Variants in CADM2 observed in about 807,000 individuals in gnomAD.
CADM2 encodes the protein immunoglobulin superfamily member 4D.
CADM2 carries 12 observed loss-of-function variants against 49.8 expected under a neutral mutation model. The observed-to-expected ratio is 0.24, with a 90% confidence interval of 0.15 to 0.39. CADM2 has a LOEUF of 0.39. CADM2 is among the 10% of genes least tolerant of loss of function. The pLI, the probability that CADM2 is intolerant of heterozygous loss-of-function variation, is 1.00. For missense variants in CADM2, 378 were observed against 492.3 expected (o/e 0.77, Z 2.20); for synonymous variants, 214 against 175.4 (o/e 1.22, Z -1.74).
intron 1 of CADM2, among the ~76,000 whole-genome samples, chr3:85,091,229 G>A (rs972579039): frequency 4.6e-5 from 7 of 151,932 alleles, no homozygotes; most frequent in African/African-American, 9.7e-5. Flanking sequence ...AGTGAGAATG[G>A]CACTATGAAT....
At chr3:86,008,309 C>T (rs1188699426) in intron 8 of CADM2, among the ~76,000 whole-genome samples, 2 of 151,874 alleles carry the variant, frequency 1.3e-5, no homozygotes, top group Non-Finnish European at 2.9e-5. Flanking sequence ...AGTTACATAA[C>T]CAAACAAAAG....
intron 2 of CADM2, among the ~76,000 whole-genome samples, chr3:85,762,613 C>CTCTCTCTCTCTCTCTCTCTCTCTCTG (rs138508303): frequency 1.4e-5 from 2 of 147,978 alleles, no homozygotes; most frequent in Non-Finnish European, 3.0e-5. Flanking sequence ...CTCTCTCTCT[C>CTCTCTCTCTCTCTCTCTCTCTCTCTG]TCTCTCTCTG....
chr3:85,473,223 A>G (rs143591598), intron 1 of CADM2, among the ~76,000 whole-genome samples: 2 of 152,160 alleles, frequency 1.3e-5, no homozygotes, highest in African/African-American at 4.8e-5. Context: ...TGTATGAATT[A>G]TTTTACTGAG....
intron 1 of CADM2, among the ~76,000 whole-genome samples, chr3:85,430,251 A>G (rs1288458613): frequency 2.0e-5 from 3 of 152,150 alleles, no homozygotes; most frequent in African/African-American, 7.2e-5. Context: ...AGGGTATTTG[A>G]TCCTGAGCTT....
chr3:85,324,140 A>C (rs1249682397), intron 1 of CADM2, among the ~76,000 whole-genome samples: 2 of 152,336 alleles, frequency 1.3e-5, no homozygotes, highest in East Asian at 3.9e-4. Flanking sequence ...ATTAGCACTC[A>C]AATATTTGCT....
At chr3:85,659,813 G>A (rs2065343317) in intron 1 of CADM2, among the ~76,000 whole-genome samples, 1 of 152,014 alleles carries the variant, frequency 6.6e-6, no homozygotes, top group African/African-American at 2.4e-5. Flanking sequence ...GTTCCAAGAT[G>A]GAACTATTGA....
intron 3 of CADM2, among the ~76,000 whole-genome samples, chr3:85,829,916 T>C (rs1433810976): frequency 6.6e-6 from 1 of 151,990 alleles, no homozygotes; most frequent in Non-Finnish European, 1.5e-5. Context: ...CATTTATCCA[T>C]TGGTGGACTC....
intron 1 of CADM2, among the ~76,000 whole-genome samples, chr3:85,712,756 A>C (rs1182439573): frequency 6.6e-6 from 1 of 151,914 alleles, no homozygotes; most frequent in East Asian, 1.9e-4. Flanking sequence ...CCCAAATACT[A>C]TTCATGTTTA....
At chr3:85,696,997 G>T (rs1023149378) in intron 1 of CADM2, among the ~76,000 whole-genome samples, 2 of 151,128 alleles carry the variant, frequency 1.3e-5, no homozygotes, top group Non-Finnish European at 3.0e-5. Flanking sequence ...TATATTACAA[G>T]TTGGATGTTT....
intron 1 of CADM2, among the ~76,000 whole-genome samples, chr3:85,000,365 CA>C (rs1450076987): frequency 6.6e-6 from 1 of 151,584 alleles, no homozygotes; most frequent in Non-Finnish European, 1.5e-5. Context: ...TGGGCTCAAG[CA>C]ATCCTCCCAC....
chr3:85,971,692 G>A (rs1406911234), intron 8 of CADM2, among the ~76,000 whole-genome samples: 1 of 151,620 alleles, frequency 6.6e-6, no homozygotes, highest in Admixed American at 6.6e-5. Context: ...GGAGCTAAAT[G>A]ATATAGGATA....
intron 1 of CADM2, among the ~76,000 whole-genome samples, chr3:85,609,618 C>T (rs1389305900): frequency 6.6e-6 from 1 of 152,012 alleles, no homozygotes; most frequent in African/African-American, 2.4e-5. Flanking sequence ...TGAATAGTAG[C>T]ACAAATGGTT....
Position 85,957,320 on chromosome 3 carries a change from C to T in CADM2, c.792-4149C>T, listed in dbSNP as rs1051744218. On this transcript the variant is annotated intron_variant, in intron 7 of 9. Transcript: ENST00000383699. ...AACGATACATATTATTATATTTTTC[C>T]AATATATTATATTTTTCCAATATTT... is the stretch of plus-strand genomic sequence containing the variant. Among the ~76,000 whole-genome samples the T allele has an allele frequency of 4.0e-5, 6 of 151,496 alleles. 1 individual carries two copies. Among genetic ancestry groups the T allele is most frequent in the African/African-American group, 1.4e-4 (6 of 41,408 alleles).
intron 1 of CADM2, among the ~76,000 whole-genome samples, chr3:84,996,098 T>A (rs1377049607): frequency 6.6e-6 from 1 of 152,154 alleles, no homozygotes; most frequent in Non-Finnish European, 1.5e-5. Context: ...TGTTTGCTGC[T>A]GGGATTGTTT....
chr3:86,050,977 C>G (rs1737270666), intron 8 of CADM2, among the ~76,000 whole-genome samples: 1 of 152,178 alleles, frequency 6.6e-6, no homozygotes, highest in Non-Finnish European at 1.5e-5. Flanking sequence ...ATTTCTGCAG[C>G]CTGCTTTAAT....
chr3:85,185,366 A>ACC (rs2107712401), intron 1 of CADM2, among the ~76,000 whole-genome samples: 1 of 152,272 alleles, frequency 6.6e-6, no homozygotes, highest in African/African-American at 2.4e-5. Context: ...GGAAATAGGA[A>ACC]CATATGTTTC....
intron 1 of CADM2, among the ~76,000 whole-genome samples, chr3:85,368,501 TGTGTGTATATATATACATG>T: frequency 6.6e-6 from 1 of 151,030 alleles, no homozygotes; most frequent in Non-Finnish European, 1.5e-5. Context: ...GAGATTCATA[TGTGTGTATATATATACATG>T]AATATTAATA....
At chr3:85,540,608 A>G (rs2061516115) in intron 1 of CADM2, among the ~76,000 whole-genome samples, 2 of 152,082 alleles carry the variant, frequency 1.3e-5, no homozygotes, top group South Asian at 4.1e-4. Flanking sequence ...TCTAGTACAA[A>G]CTCTCACACT....
At chr3:85,242,065 G>GT (rs3085118) in intron 1 of CADM2, among the ~76,000 whole-genome samples, 12,492 of 140,812 alleles carry the variant, frequency 0.089, 841 homozygotes, top group African/African-American at 0.2. Context: ...TGATTCTGTT[G>GT]TTTTTTTTTT....
Sources: gnomAD v4.1 joint callset for allele counts (sites outside exome capture counted in the v4.1 genomes callset) on GRCh38, gnomAD v4.1.1 for gene constraint, MANE v1.5 for transcripts, NCBI Gene and HGNC (gene_info 2026-07-23, HGNC 2026-07-21) for gene names.